Variants in JAZF1 observed in about 807,000 individuals in gnomAD.
JAZF1 encodes juxtaposed with another zinc finger protein 1.
Under a neutral mutation model 26.4 loss-of-function variants are expected in JAZF1, and 8 were observed. That is an observed-to-expected ratio of 0.30 (90% confidence interval 0.18 to 0.55). The LOEUF is 0.55. Among genes scored for constraint, JAZF1 ranks in the 20% least tolerant of loss-of-function variants. The pLI is 0.94. For missense variants in JAZF1, 199 were observed against 322.0 expected, an observed-to-expected ratio of 0.62 and a Z score of 2.92; for synonymous variants, 126 against 122.3, an observed-to-expected ratio of 1.03 and a Z score of -0.20.
At chr7:28,021,073 G>C (rs1269393240) in intron 1 of JAZF1, among the ~76,000 whole-genome samples, 1 of 152,146 alleles carries the variant, frequency 6.6e-6, no homozygotes, top group African/African-American at 2.4e-5. Context: ...AGCACCTGGG[G>C]GATACTAGTG....
intron 2 of JAZF1, among the ~76,000 whole-genome samples, chr7:27,913,670 T>C (rs1784399130): frequency 6.6e-6 from 1 of 152,316 alleles, no homozygotes; most frequent in African/African-American, 2.4e-5. Flanking sequence ...AACCCACCTA[T>C]GGGAGCCCTT....
At chr7:28,115,095 G>T (rs528407740) in intron 1 of JAZF1, among the ~76,000 whole-genome samples, 135 of 152,278 alleles carry the variant, frequency 8.9e-4, no homozygotes, top group African/African-American at 3.2e-3. Context: ...ACACATGTAG[G>T]TTCTGTTGTT....
chr7:28,106,954 G>A lies in JAZF1; in HGVS notation c.115+73509C>T, dbSNP rs1175390818. Among the ~76,000 whole-genome samples, 3 of 152,202 alleles carry A rather than the reference G, an allele frequency of 2.0e-5. No individual in the cohort carries two copies. The East Asian group carries it at 5.8e-4, about 29-fold the overall frequency. On this transcript the variant is annotated intron_variant, in intron 1 of 4. Coordinates refer to ENST00000283928, the MANE Select transcript of JAZF1 (RefSeq NM_175061.4). Reference sequence around the variant, plus strand: ...GGAGGAATCTGAGAGTTAGTTACAGGACTGCCTTGGTTCCTCACAGATTTT... The same window carrying A: ...GGAGGAATCTGAGAGTTAGTTACAGAACTGCCTTGGTTCCTCACAGATTTT...
chr7:27,885,644 C>T (rs773947232), intron 3 of JAZF1, among the ~76,000 whole-genome samples: 1 of 152,182 alleles, frequency 6.6e-6, no homozygotes, highest in Non-Finnish European at 1.5e-5. Flanking sequence ...TTAAAGCACA[C>T]ACTTCTTTAG....
At chr7:27,992,069 G>T (rs1038094972) in intron 1 of JAZF1, 88 bp from the exon 2 acceptor site, 1 of 822,946 alleles carries the variant, frequency 1.2e-6, no homozygotes, top group African/African-American at 1.7e-5. Flanking sequence ...AGGCTAAGCA[G>T]AGAAAAAGAT....
chr7:28,151,549 C>A (rs1783112293), intron 1 of JAZF1, among the ~76,000 whole-genome samples: 1 of 151,144 alleles, frequency 6.6e-6, no homozygotes, highest in Non-Finnish European at 1.5e-5. Context: ...GTCTGTAATC[C>A]CAGCACTTTG....
chr7:27,851,112 T>C (rs1024207298), intron 3 of JAZF1, among the ~76,000 whole-genome samples: 5 of 152,134 alleles, frequency 3.3e-5, no homozygotes, highest in African/African-American at 1.2e-4. Flanking sequence ...CTGGCTAGTT[T>C]TTGTATTTTT....
chr7:28,003,114 A>T (rs371553011), intron 1 of JAZF1, among the ~76,000 whole-genome samples: 3 of 152,204 alleles, frequency 2.0e-5, no homozygotes, highest in African/African-American at 7.2e-5. Flanking sequence ...AGTCAAACCA[A>T]AACTTGACTG....
intron 1 of JAZF1, among the ~76,000 whole-genome samples, chr7:28,145,240 G>T (rs1783009951): frequency 6.6e-6 from 1 of 152,180 alleles, no homozygotes; most frequent in South Asian, 2.1e-4. Context: ...TAACTAAAAT[G>T]TCCAGGGCAG....
chr7:28,144,882 T>C (rs1783002333), intron 1 of JAZF1, among the ~76,000 whole-genome samples: 1 of 152,246 alleles, frequency 6.6e-6, no homozygotes, highest in Non-Finnish European at 1.5e-5. Context: ...TTATTACTCA[T>C]ATTCCAAGAA....
At chr7:28,049,721 G>A (rs994842949) in intron 1 of JAZF1, among the ~76,000 whole-genome samples, 2 of 152,032 alleles carry the variant, frequency 1.3e-5, no homozygotes, top group African/African-American at 4.8e-5. Flanking sequence ...CAGAATTAGG[G>A]GAAACATTTT....
At chr7:27,856,166 T>C (rs148925421) in intron 3 of JAZF1, among the ~76,000 whole-genome samples, 1 of 152,280 alleles carries the variant, frequency 6.6e-6, no homozygotes, top group African/African-American at 2.4e-5. Flanking sequence ...CTTCTGATGT[T>C]TGGATGTGTT....
At position 27,840,569 on chromosome 7, in the gene JAZF1, T is replaced by TA; in HGVS notation, c.555+128dup. On this transcript the variant is annotated intron_variant, in intron 4 of 4. Coordinates refer to ENST00000283928, the MANE Select transcript of JAZF1 (RefSeq NM_175061.4). This position sits in a 1 kb window ranked among gnomAD's most constrained non-coding sequence, Gnocchi z 5.1. ...ACACAGGGGTGAGGCCCACGCACTCTAATGCAGGAGAGGGGAGTGTCTCCC... is the reference window on the plus strand; with the variant it reads ...ACACAGGGGTGAGGCCCACGCACTCTAAATGCAGGAGAGGGGAGTGTCTCCC... 1.0e-6 allele frequency: 1 copy of TA among 968,686 alleles called. No individual in the cohort carries two copies. The highest frequency in any genetic ancestry group is 1.6e-6 in the Non-Finnish European group (1 of 633,830). The allele number at this position is 968,686 out of a possible 1,614,324, so 60.0% of individuals were successfully genotyped here.
chr7:27,884,342 T>C (rs563890310), intron 3 of JAZF1, among the ~76,000 whole-genome samples: 4 of 152,282 alleles, frequency 2.6e-5, no homozygotes, highest in South Asian at 2.1e-4. Flanking sequence ...GATGACCAGG[T>C]TGGTCTCAAA....
intron 1 of JAZF1, among the ~76,000 whole-genome samples, chr7:28,169,500 A>G (rs1363172034): frequency 6.6e-6 from 1 of 152,254 alleles, no homozygotes; most frequent in Non-Finnish European, 1.5e-5. Flanking sequence ...GACACTTGCT[A>G]TCAGTCCTGA....
At chr7:27,880,926 T>C (rs1200574568) in intron 3 of JAZF1, among the ~76,000 whole-genome samples, 1 of 152,204 alleles carries the variant, frequency 6.6e-6, no homozygotes, top group African/African-American at 2.4e-5. Flanking sequence ...TCACCTGCCT[T>C]GGCCTCCCAA....
chr7:27,906,434 C>T (rs1246406644), intron 2 of JAZF1, among the ~76,000 whole-genome samples: 3 of 152,246 alleles, frequency 2.0e-5, no homozygotes, highest in East Asian at 1.9e-4. Flanking sequence ...CAAAGCTGAG[C>T]CATTGAAATA....
chr7:28,133,154 A>G (rs1045188972), intron 1 of JAZF1, among the ~76,000 whole-genome samples: 25 of 152,222 alleles, frequency 1.6e-4, no homozygotes, highest in African/African-American at 5.5e-4. Context: ...CAGCTTAACA[A>G]ACACCCTCTG....
intron 3 of JAZF1, among the ~76,000 whole-genome samples, chr7:27,875,503 A>G (rs867859417): frequency 3.9e-5 from 6 of 152,132 alleles, no homozygotes; most frequent in South Asian, 2.1e-4. Context: ...TCATCTGGGC[A>G]TGTTTCCCCC....
Sources: gnomAD v4.1 joint callset for allele counts (sites outside exome capture counted in the v4.1 genomes callset) on GRCh38, gnomAD v4.1.1 for gene constraint, Gnocchi (gnomAD v3.1) non-coding constraint, MANE v1.5 for transcripts, NCBI Gene and HGNC (gene_info 2026-07-23, HGNC 2026-07-21) for gene names.